The following LRP6 variants were observed in gnomAD, a reference collection of about 807,000 sequenced individuals.
The protein encoded by LRP6 is low-density lipoprotein receptor-related protein 6.
A neutral mutation model predicts 184.1 loss-of-function variants in LRP6; 43 were observed. That is an observed-to-expected ratio of 0.23 (90% CI 0.18 to 0.30). The LOEUF (loss-of-function observed/expected upper bound fraction) is 0.30. LRP6 is among the 10% of genes least tolerant of loss of function. The pLI is 1.00. For synonymous variants in LRP6, 719 were observed against 684.9 expected, an observed-to-expected ratio of 1.05 and a Z score of -0.78; for missense variants, 1,571 against 2,005.3, an observed-to-expected ratio of 0.78 and a Z score of 4.14.
At position 12,251,130 on chromosome 12, in the gene LRP6, GC is replaced by G. The variant is rs992210197; in HGVS notation, c.56-6476del. Among the ~76,000 whole-genome samples, 39 of 151,176 alleles carry G rather than the reference GC, an allele frequency of 2.6e-4. 1 individual carries two copies. The highest frequency in any genetic ancestry group is 1.6e-4 in the Non-Finnish European group (11 of 67,814). On this transcript the variant is annotated intron_variant, in intron 1 of 22. Coordinates refer to ENST00000261349, the MANE Select transcript of LRP6 (RefSeq NM_002336.3). Reference sequence around the variant, plus strand: ...GTATTTTTAGTAGAGACGTGGTTTTGCCATGTTAGCCAGGCTGGTCTTAAAC... The same window carrying G: ...GTATTTTTAGTAGAGACGTGGTTTTGCATGTTAGCCAGGCTGGTCTTAAAC...
chr12:12,218,079 G>T (rs1218648446), intron 2 of LRP6, among the ~76,000 whole-genome samples: 1 of 152,112 alleles, frequency 6.6e-6, no homozygotes, highest in East Asian at 1.9e-4. Flanking sequence ...CACAAAGAAA[G>T]TGAAAAGGCA....
At chr12:12,248,984 C>A in intron 1 of LRP6, 1 of 542,308 alleles carries the variant, frequency 1.8e-6, no homozygotes, top group Non-Finnish European at 3.3e-6. Flanking sequence ...GCAACAGCAA[C>A]ACAAGGTGGC....
rs375806684 is a variant in LRP6, at chr12:12,181,120, G to C, written c.1296C>G (p.Leu432=). The stretch of plus-strand genomic sequence containing the variant: ...TCAAGATCTTCCTCATGGTCCCATT[G>C]AGCCTTGTCACTTCTATTCGATCAG... The part of the protein sequence containing the change: ...TGTDRIEVTR[L]NGTMRKILIS... The change falls in exon 6 of 23, where the codon CTC becomes CTG. Residue 432 remains leucine, a synonymous_variant. Transcript: ENST00000261349. 1 of 1,614,096 alleles carries C rather than the reference G, an allele frequency of 6.2e-7. No individual in the cohort carries two copies. The highest frequency in any genetic ancestry group is 8.5e-7 in the Non-Finnish European group (1 of 1,179,990).
intron 7 of LRP6, 126 bp downstream of exon 7, chr12:12,179,684 G>A: frequency 2.1e-6 from 2 of 936,138 alleles, no homozygotes; most frequent in Non-Finnish European, 3.3e-6. Context: ...TAAAATTTCT[G>A]TAAAAGGTAC....
chr12:12,233,184 T>C (rs12425185), intron 2 of LRP6, among the ~76,000 whole-genome samples: 15,645 of 152,002 alleles, frequency 0.1, 912 homozygotes, highest in African/African-American at 0.15. Context: ...GAAAAAAAAA[T>C]TGTCTGGGCG....
chr12:12,227,216 AAGG>A lies in LRP6; in HGVS notation c.449+17043_449+17045del, dbSNP rs1375591383. Among the ~76,000 whole-genome samples the A allele has an allele frequency of 2.6e-5, 4 of 152,154 alleles. No homozygotes were observed. In the South Asian group the frequency reaches 6.2e-4, roughly 24 times the overall value. ...CCTGCAAAATTATCCTTAAAAAGTG[AAGG>A]AGAACTAAAGACTTTCTCAAGACCA... On this transcript the variant is annotated intron_variant, in intron 2 of 22. Transcript: ENST00000261349.
intron 1 of LRP6, chr12:12,249,446 A>G: frequency 1.3e-6 from 1 of 745,740 alleles, no homozygotes; most frequent in Non-Finnish European, 2.4e-6. Flanking sequence ...AAGAAAAACC[A>G]CAACACAGTG....
intron 3 of LRP6, among the ~76,000 whole-genome samples, chr12:12,187,811 C>G (rs564151863): frequency 6.6e-6 from 1 of 152,174 alleles, no homozygotes; most frequent in South Asian, 2.1e-4. Context: ...CAAAGCAGAT[C>G]CAAAATTTTC....
intron 2 of LRP6, among the ~76,000 whole-genome samples, chr12:12,232,004 A>AAAAAACAAAAAC (rs71061025): frequency 6.6e-6 from 1 of 150,560 alleles, no homozygotes; most frequent in Non-Finnish European, 1.5e-5. Flanking sequence ...GCCTCAAAAA[A>AAAAAACAAAAAC]AAAAACAAAA....
intron 2 of LRP6, among the ~76,000 whole-genome samples, chr12:12,225,467 C>G (rs1403199161): frequency 2.0e-5 from 3 of 152,074 alleles, no homozygotes; most frequent in African/African-American, 7.2e-5. Context: ...GTAGGAAAAC[C>G]TAAATTGCGA....
rs528828437 is a variant in LRP6 at position 12,162,829 on chromosome 12, T to C, written c.2053-410A>G. On this transcript the variant is annotated intron_variant, in intron 9 of 22. Coordinates refer to ENST00000261349, the MANE Select transcript of LRP6 (RefSeq NM_002336.3). ...ACCATATAAATGAATGTAACCATTA[T>C]ACTACCATTATAGCACTGAGTCCCA... Among the ~76,000 whole-genome samples, 113 of 152,350 alleles carry C rather than the reference T, an allele frequency of 7.4e-4. 2 individuals carry two copies. In the South Asian group the frequency reaches 0.022, roughly 29 times the overall value.
At chr12:12,237,191 A>T (rs536468781) in intron 2 of LRP6, among the ~76,000 whole-genome samples, 2 of 152,338 alleles carry the variant, frequency 1.3e-5, no homozygotes, top group African/African-American at 4.8e-5. Context: ...TGCACCTAGC[A>T]ACCCTACTGC....
At chr12:12,258,832 G>C (rs1442632071) in intron 1 of LRP6, among the ~76,000 whole-genome samples, 3 of 152,188 alleles carry the variant, frequency 2.0e-5, no homozygotes, top group African/African-American at 7.2e-5. Context: ...ATCCCTTGCA[G>C]TCCTTTACTT....
At chr12:12,230,857 T>A (rs1252350122) in intron 2 of LRP6, among the ~76,000 whole-genome samples, 1 of 151,830 alleles carries the variant, frequency 6.6e-6, no homozygotes, top group African/African-American at 2.4e-5. Context: ...GTAGGAGAAA[T>A]CTCCTGAGAC....
intron 2 of LRP6, among the ~76,000 whole-genome samples, chr12:12,241,546 G>T (rs1356060591): frequency 6.6e-6 from 1 of 152,014 alleles, no homozygotes; most frequent in East Asian, 1.9e-4. Flanking sequence ...CAGTTGAGTC[G>T]TTTTTAAAAT....
intron 2 of LRP6, among the ~76,000 whole-genome samples, chr12:12,219,244 G>A (rs551848508): frequency 7.2e-5 from 11 of 152,102 alleles, no homozygotes; most frequent in African/African-American, 2.4e-4. Context: ...TCACTCTGTC[G>A]CCCAGGCTGG....
In LRP6 at chr12:12,220,877, G is replaced by C. The variant is rs1591960166; in HGVS notation, c.450-17477C>G. Among the ~76,000 whole-genome samples the C allele has an allele frequency of 2.0e-5, 3 of 152,180 alleles. No individual in the cohort carries two copies. In the East Asian group the frequency reaches 5.8e-4, roughly 29 times the overall value. On this transcript the variant is annotated intron_variant, in intron 2 of 22. Coordinates refer to ENST00000261349, the MANE Select transcript of LRP6 (RefSeq NM_002336.3). ...AGTCTCCGAAAGTGCTGGGATTACA[G>C]GCATGAGCCACCACGCCCAGCCTAA...
chr12:12,154,823 C>G (rs1404236497), intron 12 of LRP6, among the ~76,000 whole-genome samples: 1 of 152,122 alleles, frequency 6.6e-6, no homozygotes, highest in African/African-American at 2.4e-5. Flanking sequence ...TATTTAGGAC[C>G]TCCAATATAT....
chr12:12,192,001 T>C (rs1863630029), intron 3 of LRP6, among the ~76,000 whole-genome samples: 1 of 152,188 alleles, frequency 6.6e-6, no homozygotes, highest in South Asian at 2.1e-4. Context: ...AAATAGTAAA[T>C]ATGCAGGTTA....
Sources: allele counts gnomAD v4.1 joint callset (sites outside exome capture counted in the v4.1 genomes callset), GRCh38; gene constraint gnomAD v4.1.1; transcripts MANE v1.5; gene names NCBI Gene and HGNC (gene_info 2026-07-23, HGNC 2026-07-21).